Variants in DEPTOR observed in about 807,000 individuals in gnomAD.
DEPTOR encodes the protein DEP domain-containing mTOR-interacting protein.
Under a neutral mutation model 41.6 loss-of-function variants are expected in DEPTOR, and 41 were observed. The ratio of observed to expected loss-of-function variants is 0.98; its 90% CI spans 0.77 to 1.28. The LOEUF is 1.28. DEPTOR is among the 50% of genes most tolerant of loss of function. The probability of loss-of-function intolerance (pLI) is 0.00; values close to 1 mark genes in which losing one functional copy is unlikely to be tolerated. For synonymous variants in DEPTOR, 195 were observed against 192.3 expected (o/e 1.01, Z -0.12); for missense variants, 514 against 527.9 (o/e 0.97, Z 0.26).
chr8:119,905,786 GA>G (rs892610971), intron 1 of DEPTOR, among the ~76,000 whole-genome samples: 5 of 151,942 alleles, frequency 3.3e-5, no homozygotes, highest in African/African-American at 1.2e-4. Flanking sequence ...TGGACTACAG[GA>G]ACATGTCACT....
At chr8:120,030,456 A>ATAGAC (rs1394567598) in intron 8 of DEPTOR, among the ~76,000 whole-genome samples, 6 of 142,166 alleles carry the variant, frequency 4.2e-5, no homozygotes, top group Non-Finnish European at 9.0e-5. Flanking sequence ...AGTGTAAACC[A>ATAGAC]TAGACTCTGG....
chr8:119,924,001 T>A (rs1827932733), intron 1 of DEPTOR, among the ~76,000 whole-genome samples: 1 of 151,990 alleles, frequency 6.6e-6, no homozygotes, highest in Non-Finnish European at 1.5e-5. Context: ...TTTCAATCTG[T>A]CCATACTCTA....
intron 8 of DEPTOR, among the ~76,000 whole-genome samples, chr8:120,035,453 G>C: frequency 6.6e-6 from 1 of 152,176 alleles, no homozygotes; most frequent in East Asian, 1.9e-4. Flanking sequence ...ATTTTGTATG[G>C]GGGTGTGGGA....
intron 3 of DEPTOR, among the ~76,000 whole-genome samples, chr8:119,959,091 T>C (rs931873106): frequency 2.0e-5 from 3 of 151,978 alleles, no homozygotes; most frequent in African/African-American, 7.2e-5. Flanking sequence ...TTATACCAAC[T>C]CTGCTGTTAC....
intron 4 of DEPTOR, among the ~76,000 whole-genome samples, chr8:119,990,861 C>A (rs1276261280): frequency 6.6e-6 from 1 of 152,114 alleles, no homozygotes; most frequent in Non-Finnish European, 1.5e-5. Flanking sequence ...GTATCCCAAG[C>A]AGCTAGCACC....
intron 4 of DEPTOR, among the ~76,000 whole-genome samples, chr8:119,979,913 A>G (rs1208758449): frequency 1.3e-5 from 2 of 152,096 alleles, no homozygotes; most frequent in African/African-American, 2.4e-5. Flanking sequence ...GGGAAATGGG[A>G]TGGGGGAGAT....
chr8:120,041,632 G>A (rs1453458784), intron 8 of DEPTOR, among the ~76,000 whole-genome samples: 5 of 152,068 alleles, frequency 3.3e-5, no homozygotes, highest in Admixed American at 6.6e-5. Flanking sequence ...CTGCCTCTTG[G>A]GTTCAAGCAA....
chr8:120,031,889 C>T (rs1249375934), intron 8 of DEPTOR, among the ~76,000 whole-genome samples: 4 of 152,080 alleles, frequency 2.6e-5, no homozygotes, highest in African/African-American at 9.7e-5. Context: ...TCCTCTGTCT[C>T]AAGTCTGAGG....
chr8:119,922,178 G>T (rs889538830), intron 1 of DEPTOR, among the ~76,000 whole-genome samples: 9 of 151,074 alleles, frequency 6.0e-5, no homozygotes, highest in Non-Finnish European at 1.2e-4. Context: ...GGTGGAGGTT[G>T]CAGTGAGCCA....
In DEPTOR at chr8:120,049,590, C is replaced by T. The variant is rs372801007; in HGVS notation, c.1116C>T (p.Val372=). ...AAAGMKVCQF[V]VSVNGLNVLH... ...CTTTCCTTTAGGTCTGTCAGTTTGT[C>T]GTCTCTGTCAACGGGCTCAATGTCC... is the stretch of plus-strand genomic sequence containing the variant. The change falls in exon 9 of 9, where the codon GTC becomes GTT. Residue 372 remains valine, a synonymous_variant. Coordinates refer to ENST00000286234, the MANE Select transcript of DEPTOR (RefSeq NM_022783.4). 3.2e-5 allele frequency: 52 copies of T among 1,613,300 alleles called. No homozygotes were observed. The highest frequency in any genetic ancestry group is 4.5e-5 in the East Asian group (2 of 44,866).
chr8:119,946,112 C>T (rs535425940), intron 3 of DEPTOR, among the ~76,000 whole-genome samples: 77 of 152,196 alleles, frequency 5.1e-4, no homozygotes, highest in Admixed American at 9.8e-4. Context: ...AAAACATCCC[C>T]GCTTAATTGC....
intron 3 of DEPTOR, among the ~76,000 whole-genome samples, chr8:119,935,059 A>G (rs1281806464): frequency 6.6e-6 from 1 of 152,182 alleles, no homozygotes; most frequent in Non-Finnish European, 1.5e-5. Context: ...GAATTCATCT[A>G]AGTACATTCA....
chr8:119,874,079 G>A, intron 1 of DEPTOR, 111 bp downstream of exon 1: 5 of 1,548,628 alleles, frequency 3.2e-6, no homozygotes, highest in Admixed American at 2.0e-5. Context: ...CGCGTGGGGC[G>A]CCGGAACGGC....
In DEPTOR at chr8:120,049,603, G is replaced by C; in HGVS notation, c.1129G>C (p.Gly377Arg). ...KVCQFVVSVN[G>R]LNVLHVDYRT... ...CTGTCAGTTTGTCGTCTCTGTCAAC[G>C]GGCTCAATGTCCTGCATGTAGACTA... Residue 377 changes from glycine (G) to arginine (R), a missense_variant, in exon 9 of 9, where the codon GGG becomes CGG. Transcript: ENST00000286234. 6.2e-7 allele frequency: 1 copy of C among 1,613,292 alleles called. No individual in the cohort carries two copies. The highest frequency in any genetic ancestry group is 8.5e-7 in the Non-Finnish European group (1 of 1,179,584).
chr8:119,921,043 C>A (rs1170739149), intron 1 of DEPTOR, among the ~76,000 whole-genome samples: 2 of 151,188 alleles, frequency 1.3e-5, no homozygotes, highest in Admixed American at 1.3e-4. Flanking sequence ...GTGGTACAAT[C>A]TCAGCTCACT....
At chr8:119,902,837 G>A (rs1254631713) in intron 1 of DEPTOR, among the ~76,000 whole-genome samples, 2 of 152,132 alleles carry the variant, frequency 1.3e-5, no homozygotes, top group Non-Finnish European at 2.9e-5. Flanking sequence ...TGTTCAAGGG[G>A]AATTTTTTAA....
At chr8:120,017,890 G>A (rs187618598) in intron 8 of DEPTOR, among the ~76,000 whole-genome samples, 9 of 152,124 alleles carry the variant, frequency 5.9e-5, no homozygotes, top group Admixed American at 1.3e-4. Context: ...GTTTCCTGCC[G>A]TGATGAATTG....
chr8:119,931,676 G>A (rs890618510), intron 3 of DEPTOR, among the ~76,000 whole-genome samples: 3 of 152,108 alleles, frequency 2.0e-5, no homozygotes, highest in Admixed American at 1.3e-4. Context: ...TTTCTATACT[G>A]AAATGGAGAA....
chr8:120,012,010 C>T (rs534748872), intron 8 of DEPTOR, among the ~76,000 whole-genome samples: 2 of 152,234 alleles, frequency 1.3e-5, no homozygotes, highest in South Asian at 4.1e-4. Flanking sequence ...TACTTTATCC[C>T]CCTCTTAGAA....
Sources: allele counts gnomAD v4.1 joint callset (sites outside exome capture counted in the v4.1 genomes callset), GRCh38; gene constraint gnomAD v4.1.1; transcripts MANE v1.5; gene names NCBI Gene and HGNC (gene_info 2026-07-23, HGNC 2026-07-21).